Variants in ARHGAP28 observed in about 807,000 individuals in gnomAD.
ARHGAP28 encodes the protein rho GTPase-activating protein 28.
ARHGAP28 carries 56 observed loss-of-function variants against 90.7 expected under a neutral mutation model. That is an observed-to-expected ratio of 0.62 (90% CI 0.50 to 0.77). The LOEUF is 0.77. Ranked by LOEUF, ARHGAP28 falls within the 30% of genes least tolerant of loss-of-function variation. The pLI is 0.00. For synonymous variants in ARHGAP28, 308 were observed against 323.3 expected (o/e 0.95, Z 0.51); for missense variants, 869 against 900.9 (o/e 0.96, Z 0.45).
rs1012866361 is a variant in ARHGAP28, at chr18:6,880,956, G to T, written c.1291-1181G>T. Among the ~76,000 whole-genome samples the T allele has an allele frequency of 7.2e-5, 11 of 152,286 alleles. 1 individual carries two copies. The highest frequency in any genetic ancestry group is 2.0e-4 in the Admixed American group (3 of 15,304). Reference sequence around the variant, plus strand: ...ACTTTATATTTATGCTTAAGGTTTTGTAAAGTGTATTTATCACCAGAGGGT... The same window carrying T: ...ACTTTATATTTATGCTTAAGGTTTTTTAAAGTGTATTTATCACCAGAGGGT... On this transcript the variant is annotated intron_variant, in intron 10 of 17. Coordinates refer to ENST00000383472, the MANE Select transcript of ARHGAP28 (RefSeq NM_001366230.1).
intron 3 of ARHGAP28, among the ~76,000 whole-genome samples, chr18:6,839,577 G>T (rs141645252): frequency 5.9e-5 from 9 of 152,148 alleles, no homozygotes; most frequent in Non-Finnish European, 1.2e-4. Context: ...GATTACAGGC[G>T]TGAGCCACTG....
chr18:6,868,546 C>T (rs1021069506), intron 6 of ARHGAP28, among the ~76,000 whole-genome samples: 2 of 152,068 alleles, frequency 1.3e-5, no homozygotes, highest in African/African-American at 4.8e-5. Context: ...TGTGGTCTGC[C>T]AGGAGTAGGC....
chr18:6,863,816 A>G (rs1165901156), intron 5 of ARHGAP28, among the ~76,000 whole-genome samples: 1 of 140,704 alleles, frequency 7.1e-6, no homozygotes, highest in Middle Eastern at 4.0e-3. Context: ...GAGTTTTGCT[A>G]TTGTCTCCCA....
At chr18:6,801,793 T>C (rs76022010) in intron 1 of ARHGAP28, among the ~76,000 whole-genome samples, 6 of 152,244 alleles carry the variant, frequency 3.9e-5, no homozygotes, top group African/African-American at 1.2e-4. Context: ...CTTAGCTATA[T>C]TGAGATGTAT....
intron 1 of ARHGAP28, among the ~76,000 whole-genome samples, chr18:6,756,321 C>T (rs1485199096): frequency 2.0e-5 from 3 of 152,136 alleles, no homozygotes; most frequent in Non-Finnish European, 4.4e-5. Context: ...ATTCCATCTC[C>T]ATCCCTTTCA....
Position 6,741,192 on chromosome 18 carries a change from A to G in ARHGAP28, c.122+11249A>G, listed in dbSNP as rs2055974388. On this transcript the variant is annotated intron_variant, in intron 1 of 17. Coordinates refer to ENST00000383472, the MANE Select transcript of ARHGAP28 (RefSeq NM_001366230.1). The stretch of plus-strand genomic sequence containing the variant: ...AAAAAATTACTGACCTCAACAGAGT[A>G]AGCAATTAATGAGGGAAAGAGCTGA... Among the ~76,000 whole-genome samples the G allele has an allele frequency of 3.3e-5, 5 of 152,358 alleles. No individual in the cohort carries two copies. The South Asian group carries it at 1.0e-3, about 32-fold the overall frequency.
intron 1 of ARHGAP28, among the ~76,000 whole-genome samples, chr18:6,783,354 T>G (rs1244701561): frequency 6.6e-6 from 1 of 150,778 alleles, no homozygotes; most frequent in Non-Finnish European, 1.5e-5. Flanking sequence ...AAGGCTGGAG[T>G]GCAATGGCGC....
At chr18:6,841,178 CTCCTCTCTCT>C (rs2056813786) in intron 3 of ARHGAP28, among the ~76,000 whole-genome samples, 3 of 69,444 alleles carry the variant, frequency 4.3e-5, no homozygotes, top group Non-Finnish European at 8.4e-5. Context: ...CTCTCTCTCT[CTCCTCTCTCT>C]CTCTCTCTCT....
intron 1 of ARHGAP28, among the ~76,000 whole-genome samples, chr18:6,747,095 A>G (rs2056030086): frequency 6.8e-6 from 1 of 146,284 alleles, no homozygotes; most frequent in Admixed American, 6.9e-5. Flanking sequence ...TTTAGCAAAC[A>G]TTAATCAAAT....
intron 11 of ARHGAP28, among the ~76,000 whole-genome samples, chr18:6,884,685 C>T (rs1007942538): frequency 1.3e-5 from 2 of 152,060 alleles, no homozygotes; most frequent in Admixed American, 6.6e-5. Flanking sequence ...AATCCTTCGC[C>T]GTGTTACCCC....
At chr18:6,828,819 T>C (rs2056694643) in intron 2 of ARHGAP28, among the ~76,000 whole-genome samples, 1 of 152,210 alleles carries the variant, frequency 6.6e-6, no homozygotes, top group Admixed American at 6.5e-5. Context: ...CAGTCATCTC[T>C]TCCAGGCCCT....
At chr18:6,829,337 T>C (rs2056698038) in intron 2 of ARHGAP28, among the ~76,000 whole-genome samples, 1 of 152,214 alleles carries the variant, frequency 6.6e-6, no homozygotes, top group South Asian at 2.1e-4. Context: ...CTGTCTTCCC[T>C]TTTTCTGTGT....
intron 16 of ARHGAP28, among the ~76,000 whole-genome samples, chr18:6,907,907 C>A (rs987222284): frequency 6.6e-5 from 10 of 151,914 alleles, no homozygotes; most frequent in Non-Finnish European, 1.3e-4. Context: ...AAAACAACAA[C>A]AAAAAAAGAG....
rs80215271 is a variant in ARHGAP28, at chr18:6,756,348, T to C, written c.122+26405T>C. Among the ~76,000 whole-genome samples, 1,644 of 152,186 alleles carry C rather than the reference T, an allele frequency of 0.011. 59 individuals are homozygous for C. In the East Asian group the frequency reaches 0.11, roughly 10 times the overall value. ...TCCCTTTCAGGTGTAAAAATCCAAATTGAATAAGGAAAGTAACTCTCACAG... is the reference window on the plus strand; with the variant it reads ...TCCCTTTCAGGTGTAAAAATCCAAACTGAATAAGGAAAGTAACTCTCACAG... On this transcript the variant is annotated intron_variant, in intron 1 of 17. Transcript: ENST00000383472.
At chr18:6,896,464 A>C in intron 15 of ARHGAP28, 38 bp from the exon 16 acceptor site, 2 of 1,609,470 alleles carry the variant, frequency 1.2e-6, no homozygotes, top group South Asian at 2.2e-5. Flanking sequence ...TATTCATCCT[A>C]GTTTGACAGA....
chr18:6,897,671 G>T (rs1005356858), intron 16 of ARHGAP28: 2 of 152,168 alleles, frequency 1.3e-5, no homozygotes, highest in African/African-American at 4.8e-5. Flanking sequence ...AACTGTAAAA[G>T]TTAACATATT....
chr18:6,841,169 T>TCTCTCTCTCTC (rs1386192204), intron 3 of ARHGAP28, among the ~76,000 whole-genome samples: 7 of 79,678 alleles, frequency 8.8e-5, no homozygotes, highest in African/African-American at 2.8e-4. Context: ...CTCTCTCTCC[T>TCTCTCTCTCTC]CTCTCTCTCT....
intron 3 of ARHGAP28, among the ~76,000 whole-genome samples, chr18:6,841,932 CCTT>C (rs1189992115): frequency 7.2e-5 from 11 of 152,264 alleles, no homozygotes; most frequent in African/African-American, 2.6e-4. Context: ...TCAATTATCT[CCTT>C]CTGAAACTCC....
intron 1 of ARHGAP28, among the ~76,000 whole-genome samples, chr18:6,741,310 T>C (rs192731583): frequency 6.6e-6 from 1 of 152,294 alleles, no homozygotes; most frequent in Non-Finnish European, 1.5e-5. Context: ...TCCCTCCTCA[T>C]TTATAAGGCT....
Sources: allele counts gnomAD v4.1 joint callset (sites outside exome capture counted in the v4.1 genomes callset), GRCh38; gene constraint gnomAD v4.1.1; transcripts MANE v1.5; gene names NCBI Gene and HGNC (gene_info 2026-07-23, HGNC 2026-07-21).